GALNT18: variants seen among roughly 807,000 people sequenced by gnomAD.
The protein encoded by GALNT18 is GalNAc-transferase 18.
Under a neutral mutation model 69.5 loss-of-function variants are expected in GALNT18, and 44 were observed. That is an observed-to-expected ratio of 0.63 (90% CI 0.50 to 0.81). GALNT18 has a LOEUF of 0.81. Ranked by LOEUF, GALNT18 falls within the 40% of genes least tolerant of loss-of-function variation. The pLI, the probability that GALNT18 is intolerant of heterozygous loss-of-function variation, is 0.00. For missense variants in GALNT18, 715 were observed against 810.0 expected, an observed-to-expected ratio of 0.88 and a Z score of 1.42; for synonymous variants, 364 against 318.2, an observed-to-expected ratio of 1.14 and a Z score of -1.53.
chr11:11,507,872 ACTGGCTTAGTCTCC>A (rs1342925134), intron 1 of GALNT18, among the ~76,000 whole-genome samples: 2 of 152,280 alleles, frequency 1.3e-5, no homozygotes, highest in East Asian at 3.9e-4. Context: ...GAAAGACTAC[ACTGGCTTAGTCTCC>A]CAGCCTACAT....
chr11:11,560,158 ATGT>A (rs1858464438), intron 1 of GALNT18, among the ~76,000 whole-genome samples: 1 of 5,760 alleles, frequency 1.7e-4, no homozygotes, highest in Non-Finnish European at 4.1e-4. Context: ...ATATGATGGG[ATGT>A]ATGGGATGGG....
At position 11,299,051 on chromosome 11, in the gene GALNT18, A is replaced by T. The variant is rs1453270831; in HGVS notation, c.1513-5858T>A. 2.0e-5 allele frequency among the ~76,000 whole-genome samples: 3 copies of T among 152,198 alleles called. No homozygotes were observed. The East Asian group carries it at 5.8e-4, about 29-fold the overall frequency. On this transcript the variant is annotated intron_variant, in intron 9 of 10. Transcript: ENST00000227756. ...ATTATGTCAATAGTTTTTGGGGAAC[A>T]AGTGGTGTTCGGTTGTATAAATTCT... is the stretch of plus-strand genomic sequence containing the variant.
intron 1 of GALNT18, among the ~76,000 whole-genome samples, chr11:11,492,516 G>A (rs887911307): frequency 2.0e-5 from 3 of 152,214 alleles, no homozygotes; most frequent in Non-Finnish European, 2.9e-5. Context: ...ATCAATGATA[G>A]ACTGGATAAA....
At chr11:11,512,316 TCA>T in intron 1 of GALNT18, among the ~76,000 whole-genome samples, 2 of 152,322 alleles carry the variant, frequency 1.3e-5, no homozygotes, top group East Asian at 3.9e-4. Flanking sequence ...TGACCCCATC[TCA>T]CAGCTGTCAG....
At chr11:11,352,941 G>C in intron 6 of GALNT18, 5 of 1,613,986 alleles carry the variant, frequency 3.1e-6, no homozygotes, top group Non-Finnish European at 3.4e-6. Flanking sequence ...TTCATTATTT[G>C]TGATGTTGAT....
Position 11,320,637 on chromosome 11 carries a change from T to A in GALNT18, c.1512+6449A>T, listed in dbSNP as rs1390934951. On this transcript the variant is annotated intron_variant, in intron 9 of 10. Transcript: ENST00000227756. The surrounding 1 kb of genome is among the most constrained non-coding windows in gnomAD (Gnocchi z 4.9). ...TCTTACTCTTCCATGAGCAGTGAAC[T>A]TCTTGCGGGCTGGAAGATGACTTTG... Among the ~76,000 whole-genome samples, 1 of 152,202 alleles carries A rather than the reference T, an allele frequency of 6.6e-6. No individual in the cohort carries two copies. The highest frequency in any genetic ancestry group is 1.5e-5 in the Non-Finnish European group (1 of 68,034).
chr11:11,330,146 C>T (rs73417694), intron 8 of GALNT18, among the ~76,000 whole-genome samples: 1,764 of 152,266 alleles, frequency 0.012, 29 homozygotes, highest in African/African-American at 0.041. Context: ...CTTAGGCCTG[C>T]AGGAGTCATT....
At chr11:11,440,873 T>C (rs1315007127) in intron 2 of GALNT18, among the ~76,000 whole-genome samples, 1 of 152,194 alleles carries the variant, frequency 6.6e-6, no homozygotes, top group Non-Finnish European at 1.5e-5. Context: ...CCATCCCTAA[T>C]TTACAGATAG....
chr11:11,501,459 A>G (rs565165460), intron 1 of GALNT18, among the ~76,000 whole-genome samples: 1 of 152,332 alleles, frequency 6.6e-6, no homozygotes, highest in South Asian at 2.1e-4. Context: ...CTGTTTATTA[A>G]GGCATCAGAG....
intron 5 of GALNT18, among the ~76,000 whole-genome samples, chr11:11,373,767 A>G (rs890923444): frequency 1.3e-5 from 2 of 152,218 alleles, no homozygotes; most frequent in Admixed American, 1.3e-4. Context: ...TTAGCGTGAG[A>G]GCACGGGGCT....
chr11:11,306,098 G>C (rs111633943), intron 9 of GALNT18, among the ~76,000 whole-genome samples: 1 of 152,124 alleles, frequency 6.6e-6, no homozygotes, highest in Non-Finnish European at 1.5e-5. Flanking sequence ...GACCTTACCT[G>C]GTCCTCCTGA....
intron 3 of GALNT18, among the ~76,000 whole-genome samples, chr11:11,417,707 T>C (rs1008940560): frequency 6.6e-6 from 1 of 152,188 alleles, no homozygotes; most frequent in Non-Finnish European, 1.5e-5. Context: ...ATTCACACTG[T>C]CTAGCCTTGT....
At chr11:11,581,874 A>G (rs572456732) in intron 1 of GALNT18, among the ~76,000 whole-genome samples, 2 of 152,270 alleles carry the variant, frequency 1.3e-5, no homozygotes, top group South Asian at 4.1e-4. Context: ...GTGACCAGCC[A>G]TTCACATTCA....
intron 1 of GALNT18, among the ~76,000 whole-genome samples, chr11:11,565,258 A>G (rs980505234): frequency 6.6e-6 from 1 of 152,176 alleles, no homozygotes; most frequent in Admixed American, 6.5e-5. Flanking sequence ...GTCGCCTGCT[A>G]ATGCTACCTG....
chr11:11,446,138 C>A (rs1223113837), intron 2 of GALNT18, among the ~76,000 whole-genome samples: 1 of 152,080 alleles, frequency 6.6e-6, no homozygotes, highest in Non-Finnish European at 1.5e-5. Flanking sequence ...ACTGTGTGAC[C>A]TCAGACAACA....
In GALNT18 at chr11:11,562,485, A is replaced by G. The variant is rs1004940270; in HGVS notation, c.235+58874T>C. 6.6e-6 allele frequency among the ~76,000 whole-genome samples: 1 copy of G among 152,164 alleles called. No homozygotes were observed. The highest frequency in any genetic ancestry group is 2.4e-5 in the African/African-American group (1 of 41,412). ...TCCAAAATATTGTTTTAGGGGAGAC[A>G]TGATTCAACCCATAATACTCCCCTA... On this transcript the variant is annotated intron_variant, in intron 1 of 10. Transcript: ENST00000227756. This position sits in a 1 kb window ranked among gnomAD's most constrained non-coding sequence, Gnocchi z 4.1.
chr11:11,574,440 A>G (rs1342055984), intron 1 of GALNT18, among the ~76,000 whole-genome samples: 2 of 152,212 alleles, frequency 1.3e-5, no homozygotes, highest in Non-Finnish European at 2.9e-5. Context: ...ATATCAAAAC[A>G]TAAGAACCTC....
intron 1 of GALNT18, among the ~76,000 whole-genome samples, chr11:11,485,690 T>C (rs1034313010): frequency 6.6e-6 from 1 of 152,034 alleles, no homozygotes; most frequent in Non-Finnish European, 1.5e-5. Flanking sequence ...ATACCAACTG[T>C]GGACCAGACA....
At position 11,469,196 on chromosome 11, in the gene GALNT18, C is replaced by T. The variant is rs1321079926; in HGVS notation, c.236-20260G>A. Among the ~76,000 whole-genome samples the T allele has an allele frequency of 6.6e-6, 1 of 152,170 alleles. No homozygotes were observed. Among genetic ancestry groups the T allele is most frequent in the African/African-American group, 2.4e-5 (1 of 41,438 alleles). On this transcript the variant is annotated intron_variant, in intron 1 of 10. Coordinates refer to ENST00000227756, the MANE Select transcript of GALNT18 (RefSeq NM_198516.3). This position sits in a 1 kb window ranked among gnomAD's most constrained non-coding sequence, Gnocchi z 4.2. The stretch of plus-strand genomic sequence containing the variant: ...GAGTTGCTATAAACATAAAGAAGCC[C>T]GTCTGCTTTCTTGCCTCTGTGAATG...
Sources: allele counts gnomAD v4.1 joint callset (sites outside exome capture counted in the v4.1 genomes callset), GRCh38; gene constraint gnomAD v4.1.1; non-coding constraint Gnocchi (gnomAD v3.1); transcripts MANE v1.5; gene names NCBI Gene and HGNC (gene_info 2026-07-23, HGNC 2026-07-21).